Variants in DNER observed in about 807,000 individuals in gnomAD.
DNER encodes the protein delta and Notch-like epidermal growth factor-related receptor.
In DNER, 33 loss-of-function variants were observed where a neutral mutation model predicts 78.2. The ratio of observed to expected loss-of-function variants is 0.42; its 90% confidence interval spans 0.32 to 0.56. The LOEUF is 0.56. Ranked by LOEUF, DNER falls within the 20% of genes least tolerant of loss-of-function variation. The pLI is 0.11. For synonymous variants in DNER, 417 were observed against 384.8 expected, an observed-to-expected ratio of 1.08 and a Z score of -0.98; for missense variants, 918 against 975.3, an observed-to-expected ratio of 0.94 and a Z score of 0.78.
intron 4 of DNER, among the ~76,000 whole-genome samples, chr2:229,581,389 G>A (rs1041825902): frequency 2.6e-5 from 4 of 152,118 alleles, no homozygotes; most frequent in Admixed American, 6.5e-5. Context: ...GATGCTCCCC[G>A]AGAAGCGGGC....
intron 9 of DNER, among the ~76,000 whole-genome samples, chr2:229,412,165 G>C (rs868010904): frequency 1.3e-5 from 2 of 152,186 alleles, no homozygotes; most frequent in Non-Finnish European, 2.9e-5. Context: ...CAAAGTCTTA[G>C]ACGTTCCGTC....
chr2:229,643,277 T>C (rs1224254159), intron 1 of DNER, among the ~76,000 whole-genome samples: 2 of 152,192 alleles, frequency 1.3e-5, no homozygotes, highest in African/African-American at 4.8e-5. Context: ...GTACTACCTA[T>C]GTGGTCTTAG....
intron 4 of DNER, among the ~76,000 whole-genome samples, chr2:229,568,409 G>C (rs1697153472): frequency 6.6e-6 from 1 of 152,148 alleles, no homozygotes; most frequent in African/African-American, 2.4e-5. Flanking sequence ...GCTGCCTGCA[G>C]CATAGGAGAG....
intron 1 of DNER, among the ~76,000 whole-genome samples, chr2:229,687,224 GT>G (rs1699497792): frequency 1.4e-5 from 2 of 145,422 alleles, no homozygotes; most frequent in South Asian, 4.4e-4. Flanking sequence ...TACAAATAAT[GT>G]TTTGATGAAT....
At chr2:229,420,179 A>G (rs1318379409) in intron 8 of DNER, among the ~76,000 whole-genome samples, 2 of 152,012 alleles carry the variant, frequency 1.3e-5, no homozygotes, top group Non-Finnish European at 1.5e-5. Context: ...TAACACTACA[A>G]CAGAGGACTG....
chr2:229,416,752 T>C (rs1326259677), intron 9 of DNER, among the ~76,000 whole-genome samples: 1 of 152,146 alleles, frequency 6.6e-6, no homozygotes, highest in African/African-American at 2.4e-5. Flanking sequence ...CCAGCACACA[T>C]ACCCTTTCTT....
At chr2:229,398,625 T>C (rs1693201462) in intron 10 of DNER, among the ~76,000 whole-genome samples, 1 of 152,124 alleles carries the variant, frequency 6.6e-6, no homozygotes, top group South Asian at 2.1e-4. Context: ...CAAAATTGTT[T>C]TCTTTCTTTT....
At chr2:229,397,150 G>C (rs576069351) in intron 10 of DNER, among the ~76,000 whole-genome samples, 1 of 152,170 alleles carries the variant, frequency 6.6e-6, no homozygotes, top group East Asian at 1.9e-4. Context: ...CTCCCACCAA[G>C]TACAAGTAAA....
At chr2:229,671,403 G>C (rs1203177644) in intron 1 of DNER, among the ~76,000 whole-genome samples, 1 of 152,092 alleles carries the variant, frequency 6.6e-6, no homozygotes, top group Non-Finnish European at 1.5e-5. Flanking sequence ...CTTAAATGCT[G>C]CCTCCTATCC....
intron 1 of DNER, among the ~76,000 whole-genome samples, chr2:229,706,839 G>T (rs180860326): frequency 6.6e-6 from 1 of 152,110 alleles, no homozygotes; most frequent in Non-Finnish European, 1.5e-5. Context: ...GCCTCCCAAA[G>T]GGCTGGGATT....
chr2:229,552,625 A>G (rs868632676), intron 4 of DNER, among the ~76,000 whole-genome samples: 1 of 152,096 alleles, frequency 6.6e-6, no homozygotes, highest in Non-Finnish European at 1.5e-5. Context: ...GAAGAAGGAC[A>G]TGTTTGCTTC....
At chr2:229,683,178 T>C (rs909628595) in intron 1 of DNER, among the ~76,000 whole-genome samples, 1 of 152,202 alleles carries the variant, frequency 6.6e-6, no homozygotes, top group African/African-American at 2.4e-5. Flanking sequence ...TTTTTACACA[T>C]AACTTATGTA....
chr2:229,581,878 A>ATTT (rs376232222), intron 4 of DNER, among the ~76,000 whole-genome samples: 46 of 151,196 alleles, frequency 3.0e-4, no homozygotes, highest in African/African-American at 1.1e-3. Flanking sequence ...AGTTATGTTT[A>ATTT]TTTTTATTTA....
intron 1 of DNER, among the ~76,000 whole-genome samples, chr2:229,651,611 C>G (rs1467389367): frequency 6.6e-6 from 1 of 152,192 alleles, no homozygotes; most frequent in Non-Finnish European, 1.5e-5. Flanking sequence ...GGGCTGCTCC[C>G]TAGGGTCTGT....
chr2:229,673,895 G>C (rs867302937), intron 1 of DNER, among the ~76,000 whole-genome samples: 8 of 152,236 alleles, frequency 5.3e-5, no homozygotes, highest in Middle Eastern at 3.2e-3. Context: ...GACTCTGGCT[G>C]CTAGATGGGT....
intron 10 of DNER, among the ~76,000 whole-genome samples, chr2:229,405,083 T>A (rs1295811781): frequency 6.6e-6 from 1 of 152,130 alleles, no homozygotes; most frequent in Non-Finnish European, 1.5e-5. Context: ...AAGATTAGCA[T>A]GAATGGTCTC....
chr2:229,437,617 A>T (rs1430654416), intron 8 of DNER, among the ~76,000 whole-genome samples: 2 of 152,228 alleles, frequency 1.3e-5, no homozygotes, highest in South Asian at 2.1e-4. Context: ...ATAATGGCAC[A>T]TTGTTACAGA....
At chr2:229,571,974 AAAAC>A (rs1237966419) in intron 4 of DNER, among the ~76,000 whole-genome samples, 1 of 152,048 alleles carries the variant, frequency 6.6e-6, no homozygotes, top group Non-Finnish European at 1.5e-5. Context: ...TCCTCTACTT[AAAAC>A]CCTGCATCAC....
intron 4 of DNER, among the ~76,000 whole-genome samples, chr2:229,582,474 T>A (rs1307037452): frequency 6.6e-6 from 1 of 151,488 alleles, no homozygotes; most frequent in African/African-American, 2.4e-5. Flanking sequence ...CAAAGCCACA[T>A]AAAAGACCCA....
Sources: allele counts gnomAD v4.1 joint callset (sites outside exome capture counted in the v4.1 genomes callset), GRCh38; gene constraint gnomAD v4.1.1; transcripts MANE v1.5; gene names NCBI Gene and HGNC (gene_info 2026-07-23, HGNC 2026-07-21).